ANKHD1: variants seen among roughly 807,000 people sequenced by gnomAD.
ANKHD1 encodes ankyrin repeat and KH domain-containing protein 1.
In ANKHD1, 31 loss-of-function variants were observed where a neutral mutation model predicts 230.5. That is an observed-to-expected ratio of 0.13 (90% CI 0.10 to 0.18). The LOEUF (loss-of-function observed/expected upper bound fraction) is 0.18. Among genes scored for constraint, ANKHD1 ranks in the 10% least tolerant of loss-of-function variants. ANKHD1 has a pLI of 1.00. For missense variants in ANKHD1, 2,256 were observed against 3,071.3 expected (o/e 0.73, Z 6.27); for synonymous variants, 1,074 against 1,117.6 (o/e 0.96, Z 0.78).
intron 24 of ANKHD1, among the ~76,000 whole-genome samples, chr5:140,520,911 C>G (rs1272431232): frequency 6.8e-6 from 1 of 147,120 alleles, no homozygotes; most frequent in East Asian, 2.0e-4. Flanking sequence ...CACATGTACC[C>G]TAAAACTTAA....
At chr5:140,411,712 T>G (rs1016926760) in intron 1 of ANKHD1, among the ~76,000 whole-genome samples, 2 of 151,700 alleles carry the variant, frequency 1.3e-5, no homozygotes, top group Non-Finnish European at 2.9e-5. Context: ...TTAGTAGAGA[T>G]GGGGTTTCAC....
At chr5:140,458,599 C>T (rs778602550) in intron 7 of ANKHD1, 26 bp from the exon 8 acceptor site, 1 of 1,570,286 alleles carries the variant, frequency 6.4e-7, no homozygotes, top group Non-Finnish European at 8.7e-7. Flanking sequence ...TTCTCTCCTT[C>T]TTTCTTTACT....
chr5:140,409,743 G>T (rs867920314), intron 1 of ANKHD1, among the ~76,000 whole-genome samples: 1 of 151,832 alleles, frequency 6.6e-6, no homozygotes, highest in Non-Finnish European at 1.5e-5. Context: ...TAGTAGAGAC[G>T]GTGTTTCACT....
At position 140,513,254 on chromosome 5, in the gene ANKHD1, G is replaced by A. The variant is rs993927901; in HGVS notation, c.4201-109G>A. 45 of 1,121,254 alleles carry A rather than the reference G, an allele frequency of 4.0e-5. No homozygotes were observed. The East Asian group carries it at 8.8e-4, about 22-fold the overall frequency. 69.5% of individuals were successfully genotyped at this position (1,121,254 alleles called of 1,614,324 possible). A position where few individuals can be genotyped will look rare whatever the true frequency, so the allele number is the denominator to read the frequency against. On this transcript the variant is annotated intron_variant, in intron 23 of 33. Coordinates refer to ENST00000360839, the MANE Select transcript of ANKHD1 (RefSeq NM_017747.3). ...TCAAAGGATAACTTAATTTGGTTTA[G>A]TGACTTTTCAGTTTGAACTTTAACC...
At chr5:140,460,338 TACC>T (rs1395135360) in intron 9 of ANKHD1, among the ~76,000 whole-genome samples, 1 of 152,118 alleles carries the variant, frequency 6.6e-6, no homozygotes, top group Non-Finnish European at 1.5e-5. Flanking sequence ...TTTTCTTTTT[TACC>T]ACGTCTGATA....
rs1463135536 is a variant in ANKHD1, at chr5:140,427,623, C to T, written c.307-8481C>T. On this transcript the variant is annotated intron_variant, in intron 1 of 33. Coordinates refer to ENST00000360839, the MANE Select transcript of ANKHD1 (RefSeq NM_017747.3). ...CTGACGCCCCCACCTCCCTCCCGGA[C>T]GGGGCGGCTGGCCGGGCGGGGGGCT... Among the ~76,000 whole-genome samples, 513 of 146,246 alleles carry T rather than the reference C, an allele frequency of 3.5e-3. 1 individual carries two copies. The highest frequency in any genetic ancestry group is 0.014 in the Middle Eastern group (4 of 278).
chr5:140,516,838 C>G (rs1447901221), intron 24 of ANKHD1, among the ~76,000 whole-genome samples: 1 of 151,260 alleles, frequency 6.6e-6, no homozygotes, highest in Non-Finnish European at 1.5e-5. Context: ...CAAAATCATG[C>G]CAAAATGTAA....
chr5:140,507,054 G>T lies in ANKHD1; in HGVS notation c.3551+77G>T. On this transcript the variant is annotated intron_variant, in intron 19 of 33. Coordinates refer to ENST00000360839, the MANE Select transcript of ANKHD1 (RefSeq NM_017747.3). The surrounding 1 kb of genome is among the most constrained non-coding windows in gnomAD (Gnocchi z 4.1). ...TTAAATGTCTACCTCTTAACGTTTA[G>T]ACAGATACATTTTAAATTAAGATAG... is the stretch of plus-strand genomic sequence containing the variant. The T allele has an allele frequency of 6.5e-7, 1 of 1,548,784 alleles. No individual in the cohort carries two copies. The highest frequency in any genetic ancestry group is 2.1e-5 in the Admixed American group (1 of 47,784).
intron 6 of ANKHD1, among the ~76,000 whole-genome samples, chr5:140,446,797 T>A (rs2126935345): frequency 6.6e-6 from 1 of 152,308 alleles, no homozygotes; most frequent in Non-Finnish European, 1.5e-5. Flanking sequence ...ATATATATAT[T>A]TTAAACAAAA....
chr5:140,435,703 A>T (rs1561716330), intron 1 of ANKHD1, among the ~76,000 whole-genome samples: 2 of 146,832 alleles, frequency 1.4e-5, no homozygotes, highest in East Asian at 4.0e-4. Flanking sequence ...TTCAGTATTA[A>T]TTTTTTTTTT....
rs1367014801 is a variant in ANKHD1 at position 140,537,515 on chromosome 5, CCCCGGCGGG to C, written c.7155_7163del (p.Pro2386_Gly2388del). The C allele has an allele frequency of 1.9e-6, 3 of 1,613,446 alleles. No individual in the cohort carries two copies. Among genetic ancestry groups the C allele is most frequent in the African/African-American group, 2.7e-5 (2 of 74,880 alleles). ...CGGCAAGGAGGGTCTGTTGCACAAG[CCCCGGCGGG>C]GACCAGTTTTGTCGCTCCCGTTGGA... On this transcript the variant is annotated inframe_deletion, in exon 31 of 34. Transcript: ENST00000360839.
intron 10 of ANKHD1, among the ~76,000 whole-genome samples, chr5:140,477,092 C>T (rs774456409): frequency 1.5e-4 from 23 of 151,928 alleles, no homozygotes; most frequent in Non-Finnish European, 2.9e-4. Context: ...AAACCTAAAG[C>T]AAAGTGATGA....
chr5:140,500,250 C>T (rs1752226608), intron 15 of ANKHD1, among the ~76,000 whole-genome samples: 1 of 152,106 alleles, frequency 6.6e-6, no homozygotes, highest in South Asian at 2.1e-4. Context: ...GAGCATTTAC[C>T]ATGCACCAAC....
In ANKHD1 at chr5:140,509,746, G is replaced by A; in HGVS notation, c.3875G>A (p.Arg1292Lys). The change falls in exon 21 of 34, where the codon AGA becomes AAA. Residue 1292 changes from arginine to lysine, a missense_variant. Coordinates refer to ENST00000360839, the MANE Select transcript of ANKHD1 (RefSeq NM_017747.3). ...DVNAPPVPSS[R>K]DTALTIAADK... ...AATGCTCCCCCTGTGCCTTCCTCAA[G>A]AGATACTGCTTTAACAATAGCAGCA... is the stretch of plus-strand genomic sequence containing the variant. 6.2e-7 allele frequency: 1 copy of A among 1,613,440 alleles called. No homozygotes were observed. The highest frequency in any genetic ancestry group is 2.2e-5 in the East Asian group (1 of 44,872).
In ANKHD1 at chr5:140,529,125, G is replaced by T; in HGVS notation, c.6179G>T (p.Gly2060Val). 6.2e-7 allele frequency: 1 copy of T among 1,614,014 alleles called. No individual in the cohort carries two copies. The highest frequency in any genetic ancestry group is 1.3e-5 in the African/African-American group (1 of 75,026). Residue 2060 changes from glycine to valine, a missense_variant, in exon 29 of 34, where the codon GGA becomes GTA. This residue lies in a region of ANKHD1 where 778 missense variants were observed against 966.5 expected (regional missense o/e 0.80). Coordinates refer to ENST00000360839, the MANE Select transcript of ANKHD1 (RefSeq NM_017747.3). ...SCSSSASNTPGAPETHPSSSP... is the reference protein window; with the variant it reads ...SCSSSASNTPVAPETHPSSSP... The stretch of plus-strand genomic sequence containing the variant: ...AGTAGCTCTGCCAGCAACACCCCGG[G>T]AGCTCCAGAAACTCACCCATCCAGT...
Position 140,482,530 on chromosome 5 carries a change from AT to A in ANKHD1, c.1783-49del, listed in dbSNP as rs556789184. The A allele has an allele frequency of 8.0e-5, 127 of 1,585,702 alleles. No individual in the cohort carries two copies. In the Admixed American group the frequency reaches 1.0e-3, roughly 12 times the overall value. ...TTCATCAGTACTGTTTTTAAAATAG[AT>A]GGTTAGACTGTTGGCATTGATGGAT... On this transcript the variant is annotated intron_variant, in intron 10 of 33. Transcript: ENST00000360839.
intron 15 of ANKHD1, among the ~76,000 whole-genome samples, chr5:140,502,444 CTG>C (rs1365525152): frequency 1.3e-5 from 2 of 152,162 alleles, no homozygotes; most frequent in Admixed American, 6.5e-5. Flanking sequence ...AAAGCCAACT[CTG>C]TGAAGAAGTT....
chr5:140,496,482 T>TTC, intron 14 of ANKHD1, 38 bp from the exon 15 acceptor site: 1 of 1,036,356 alleles, frequency 9.6e-7, no homozygotes, highest in Non-Finnish European at 1.3e-6. Context: ...TTTTTTTTTT[T>TTC]AGCATGGCAC....
chr5:140,440,849 A>G, intron 4 of ANKHD1, 146 bp from the exon 5 acceptor site: 6 of 1,031,412 alleles, frequency 5.8e-6, no homozygotes, highest in South Asian at 3.4e-5. Context: ...AGCAGTGAGT[A>G]TTGGCATAAT....
Sources: allele counts gnomAD v4.1 joint callset (sites outside exome capture counted in the v4.1 genomes callset), GRCh38; gene constraint gnomAD v4.1.1; regional missense constraint gnomAD v4.1.1; non-coding constraint Gnocchi (gnomAD v3.1); transcripts MANE v1.5; gene names NCBI Gene and HGNC (gene_info 2026-07-23, HGNC 2026-07-21).